MYH13: variants seen among roughly 807,000 people sequenced by gnomAD.
MYH13 encodes myosin heavy chain 13.
In MYH13, 177 loss-of-function variants were observed where a neutral mutation model predicts 232.1. That is an observed-to-expected ratio of 0.76 (90% CI 0.67 to 0.86). MYH13 has a LOEUF of 0.86. Among genes scored for constraint, MYH13 ranks in the 40% least tolerant of loss-of-function variants. MYH13 has a pLI of 0.00. For missense variants in MYH13, 2,246 were observed against 2,405.9 expected (o/e 0.93, Z 1.39); for synonymous variants, 884 against 923.5 (o/e 0.96, Z 0.78).
At chr17:10,332,995 C>T (rs1907460922) in intron 19 of MYH13, 79 bp downstream of exon 19, 2 of 1,165,768 alleles carry the variant, frequency 1.7e-6, no homozygotes, top group Non-Finnish European at 2.5e-6. Context: ...TCACCAAATA[C>T]CCAGGTCAAG....
chr17:10,327,802 T>C (rs1907265695), intron 22 of MYH13, 64 bp downstream of exon 22: 3 of 1,573,540 alleles, frequency 1.9e-6, no homozygotes, highest in African/African-American at 1.4e-5. Flanking sequence ...GCGCCCTCAA[T>C]GTTCCTCCCC....
rs1354009789 is a variant in MYH13 at position 10,328,124 on chromosome 17, G to C, written c.2436-3C>G. On this transcript the variant is annotated splice_polypyrimidine_tract_variant and splice_region_variant and intron_variant, in intron 21 of 40. Coordinates refer to ENST00000252172, the MANE Select transcript of MYH13 (RefSeq NM_003802.3). ...ACTGGATGCAGAAGATGGAGTCCCT[G>C]TACACCCATTAGGACTCAAATTAAT... 13 of 1,613,116 alleles carry C rather than the reference G, an allele frequency of 8.1e-6. No homozygotes were observed. Among genetic ancestry groups the C allele is most frequent in the African/African-American group, 1.3e-5 (1 of 74,834 alleles).
chr17:10,318,632 C>T (rs551072017), intron 27 of MYH13, among the ~76,000 whole-genome samples, 158 bp downstream of exon 27: 2 of 152,084 alleles, frequency 1.3e-5, no homozygotes, highest in Non-Finnish European at 2.9e-5. Context: ...AGACAAAGGA[C>T]GTGAGTAAAT....
intron 18 of MYH13, among the ~76,000 whole-genome samples, chr17:10,337,402 C>T (rs1284549689): frequency 6.6e-6 from 1 of 152,130 alleles, no homozygotes; most frequent in Non-Finnish European, 1.5e-5. Flanking sequence ...CCCGAGGGGC[C>T]CTTGTTCAGC....
intron 18 of MYH13, among the ~76,000 whole-genome samples, chr17:10,339,851 G>A (rs1413182352): frequency 6.6e-6 from 1 of 152,098 alleles, no homozygotes; most frequent in Non-Finnish European, 1.5e-5. Flanking sequence ...TAGCATTTTT[G>A]TGGTTACATA....
intron 33 of MYH13, among the ~76,000 whole-genome samples, chr17:10,310,098 T>G (rs538122393): frequency 6.0e-4 from 91 of 150,460 alleles, no homozygotes; most frequent in African/African-American, 2.1e-3. Flanking sequence ...TTTTGTGTTT[T>G]TTTTTTTTTT....
In MYH13 at chr17:10,362,420, G is replaced by T. The variant is rs1356256540; in HGVS notation, c.288C>A (p.His96Gln). 1 of 1,614,094 alleles carries T rather than the reference G, an allele frequency of 6.2e-7. No homozygotes were observed. The highest frequency in any genetic ancestry group is 8.5e-7 in the Non-Finnish European group (1 of 1,180,054). The stretch of plus-strand genomic sequence containing the variant: ...TGTACAGAACAGCAGGTTCATGCAG[G>T]TGAGTCATCATGGCCATGTCCTCGA... ...DKIEDMAMMT[H>Q]LHEPAVLYNL... Residue 96 changes from histidine to glutamine, a missense_variant, in exon 4 of 41, where the codon CAC becomes CAA. Coordinates refer to ENST00000252172, the MANE Select transcript of MYH13 (RefSeq NM_003802.3).
chr17:10,352,217 T>C (rs1370086750), intron 11 of MYH13, among the ~76,000 whole-genome samples: 3 of 152,066 alleles, frequency 2.0e-5, no homozygotes, highest in African/African-American at 4.8e-5. Flanking sequence ...GGGTATATGA[T>C]GGGATGTCAC....
intron 11 of MYH13, among the ~76,000 whole-genome samples, chr17:10,351,309 C>T (rs758824492): frequency 6.6e-6 from 1 of 151,446 alleles, no homozygotes; most frequent in Non-Finnish European, 1.5e-5. Context: ...CGATTGGGAA[C>T]CATTGTATGA....
At chr17:10,343,088 C>CA (rs71139039) in intron 16 of MYH13, among the ~76,000 whole-genome samples, 137 of 125,050 alleles carry the variant, frequency 1.1e-3, no homozygotes, top group African/African-American at 2.1e-3. Context: ...GACTCTGTCT[C>CA]AAAAAAAAAA....
chr17:10,301,200 G>T (rs915082652), intron 40 of MYH13, among the ~76,000 whole-genome samples: 1 of 152,166 alleles, frequency 6.6e-6, no homozygotes, highest in South Asian at 2.1e-4. Flanking sequence ...GACAGACAGG[G>T]ATGACAGTGT....
In MYH13 at chr17:10,312,561, G is replaced by A; in HGVS notation, c.4365+13C>T. 1 of 1,605,156 alleles carries A rather than the reference G, an allele frequency of 6.2e-7. No individual in the cohort carries two copies. The highest frequency in any genetic ancestry group is 8.5e-7 in the Non-Finnish European group (1 of 1,175,570). ...TCATGCCATCTTCACAAAGAAAGCGGCTGGGGAAGGACCTTGTCGAAGTTC... is the reference window on the plus strand; with the variant it reads ...TCATGCCATCTTCACAAAGAAAGCGACTGGGGAAGGACCTTGTCGAAGTTC... On this transcript the variant is annotated intron_variant, in intron 31 of 40. Transcript: ENST00000252172.
Position 10,320,512 on chromosome 17 carries a change from G to A in MYH13, c.3112-16C>T, listed in dbSNP as rs1185266841. On this transcript the variant is annotated splice_polypyrimidine_tract_variant and intron_variant, in intron 24 of 40. Transcript: ENST00000252172. Reference sequence around the variant, plus strand: ...AACCCTCAAGCTGAGAAGACACACAGGTAGAAAATTAAGCCCCTGCTGGGG... The same window carrying A: ...AACCCTCAAGCTGAGAAGACACACAAGTAGAAAATTAAGCCCCTGCTGGGG... 6.2e-7 allele frequency: 1 copy of A among 1,608,272 alleles called. No homozygotes were observed. The highest frequency in any genetic ancestry group is 8.5e-7 in the Non-Finnish European group (1 of 1,177,566).
intron 27 of MYH13, among the ~76,000 whole-genome samples, chr17:10,316,488 A>C (rs1019445102): frequency 2.0e-5 from 3 of 152,158 alleles, no homozygotes; most frequent in Admixed American, 6.5e-5. Context: ...ATTATTTCAG[A>C]TTTGTGAATG....
At chr17:10,320,741 C>T (rs1597376815) in intron 24 of MYH13, among the ~76,000 whole-genome samples, 1 of 152,200 alleles carries the variant, frequency 6.6e-6, no homozygotes, top group East Asian at 1.9e-4. Context: ...TCAGCTGATT[C>T]CCACCTGGCC....
chr17:10,329,556 C>G (rs145818181), intron 21 of MYH13, among the ~76,000 whole-genome samples: 1 of 152,170 alleles, frequency 6.6e-6, no homozygotes, highest in Non-Finnish European at 1.5e-5. Context: ...CAGGGTGCAG[C>G]CTGGGTTTCT....
intron 2 of MYH13, 24 bp downstream of exon 2, chr17:10,371,185 G>A (rs995433446): frequency 6.6e-6 from 1 of 152,148 alleles, no homozygotes. Context: ...TTGCATTCAT[G>A]ATCAAGCTGA....
chr17:10,309,106 G>A (rs545070062), intron 35 of MYH13, 128 bp downstream of exon 35: 1 of 932,018 alleles, frequency 1.1e-6, no homozygotes, highest in Non-Finnish European at 1.6e-6. Flanking sequence ...CACTAGTCTG[G>A]GAGAAACCGG....
intron 18 of MYH13, among the ~76,000 whole-genome samples, chr17:10,333,873 A>C (rs141274769): frequency 8.8e-4 from 133 of 151,498 alleles, no homozygotes; most frequent in African/African-American, 3.1e-3. Flanking sequence ...GAGCCACTGC[A>C]CTCCAGTCTA....
Sources: gnomAD v4.1 joint callset for allele counts (sites outside exome capture counted in the v4.1 genomes callset) on GRCh38, gnomAD v4.1.1 for gene constraint, MANE v1.5 for transcripts, NCBI Gene and HGNC (gene_info 2026-07-23, HGNC 2026-07-21) for gene names.